Variants in MYO16 observed in about 807,000 individuals in gnomAD.
The protein encoded by MYO16 is unconventional myosin-XVI.
MYO16 carries 94 observed loss-of-function variants against 205.3 expected under a neutral mutation model. The ratio of observed to expected loss-of-function variants is 0.46; its 90% confidence interval spans 0.39 to 0.54. MYO16 has a LOEUF of 0.54. MYO16 is among the 20% of genes least tolerant of loss of function. The pLI is 0.00. For synonymous variants in MYO16, 988 were observed against 954.0 expected (o/e 1.04, Z -0.66); for missense variants, 2,315 against 2,387.5 (o/e 0.97, Z 0.63).
intron 5 of MYO16, among the ~76,000 whole-genome samples, chr13:108,786,518 A>G (rs960581457): frequency 6.6e-6 from 1 of 152,352 alleles, no homozygotes; most frequent in African/African-American, 2.4e-5. Context: ...ACAGTTTTTA[A>G]GAGCCACACG....
At chr13:108,842,441 A>G (rs756803949) in intron 9 of MYO16, among the ~76,000 whole-genome samples, 4 of 152,162 alleles carry the variant, frequency 2.6e-5, no homozygotes, top group South Asian at 2.1e-4. Context: ...AGTTTTTAAT[A>G]TGAGCAAAGA....
chr13:108,730,637 G>T (rs1444900349), intron 4 of MYO16, among the ~76,000 whole-genome samples: 6 of 152,062 alleles, frequency 3.9e-5, no homozygotes, highest in African/African-American at 1.4e-4. Context: ...GTGTAACTGA[G>T]GTAATAGACA....
rs377270594 is a variant in MYO16, at chr13:109,111,833, C to G, written c.3439-8537C>G. Among the ~76,000 whole-genome samples, 129 of 151,692 alleles carry G rather than the reference C, an allele frequency of 8.5e-4. No homozygotes were observed. In the East Asian group the frequency reaches 0.02, roughly 24 times the overall value. On this transcript the variant is annotated intron_variant, in intron 28 of 34. Transcript: ENST00000457511. Reference sequence around the variant, plus strand: ...TCCCAAGTAGCTGGGACTACAGGCACGTGCCACCACGCCCGGCTAATTTTT... The same window carrying G: ...TCCCAAGTAGCTGGGACTACAGGCAGGTGCCACCACGCCCGGCTAATTTTT...
intron 20 of MYO16, among the ~76,000 whole-genome samples, chr13:108,985,116 A>T (rs1457275308): frequency 6.6e-6 from 1 of 152,214 alleles, no homozygotes; most frequent in Admixed American, 6.5e-5. Flanking sequence ...TTTTAAAAGA[A>T]TGTAGATATA....
chr13:108,551,425 A>T, the MYO16 span, among the ~76,000 whole-genome samples: 4 of 152,192 alleles, frequency 2.6e-5, no homozygotes, highest in South Asian at 8.3e-4. Flanking sequence ...TTTATTTCTC[A>T]CATTACCTTG....
chr13:109,054,386 A>C (rs1163868583), intron 25 of MYO16: 1 of 312,950 alleles, frequency 3.2e-6, no homozygotes, highest in African/African-American at 2.3e-5. Flanking sequence ...GTAAGAAAGC[A>C]TCAGACCATT....
chr13:109,004,519 A>C (rs1885324557), intron 21 of MYO16, among the ~76,000 whole-genome samples: 2 of 152,144 alleles, frequency 1.3e-5, no homozygotes, highest in Admixed American at 6.5e-5. Flanking sequence ...TTTATTTTTT[A>C]TTTATGATTG....
intron 15 of MYO16, among the ~76,000 whole-genome samples, chr13:108,903,240 G>A (rs1395185631): frequency 6.6e-6 from 1 of 152,194 alleles, no homozygotes; most frequent in Non-Finnish European, 1.5e-5. Flanking sequence ...CCCTGGAATT[G>A]CGAACAGCAT....
intron 32 of MYO16, among the ~76,000 whole-genome samples, chr13:109,148,352 T>C (rs1877457380): frequency 6.6e-6 from 1 of 152,188 alleles, no homozygotes; most frequent in African/African-American, 2.4e-5. Flanking sequence ...TACAGGGAAA[T>C]TGTGCAAGCA....
chr13:109,056,924 A>G (rs1278957097), intron 27 of MYO16, among the ~76,000 whole-genome samples: 1 of 152,164 alleles, frequency 6.6e-6, no homozygotes, highest in African/African-American at 2.4e-5. Context: ...TTTAAAAATT[A>G]ACTATACAAC....
chr13:109,112,017 C>T (rs1191513560), intron 28 of MYO16, among the ~76,000 whole-genome samples: 1 of 152,122 alleles, frequency 6.6e-6, no homozygotes, highest in Non-Finnish European at 1.5e-5. Context: ...GGGATAGCAT[C>T]TAACCCAATC....
chr13:108,991,992 A>G (rs1354992423), intron 20 of MYO16, among the ~76,000 whole-genome samples: 10 of 152,188 alleles, frequency 6.6e-5, no homozygotes, highest in Non-Finnish European at 1.3e-4. Context: ...AACTTGCATC[A>G]TGGGAGTTTG....
chr13:108,931,572 G>C (rs1187231009), intron 16 of MYO16, among the ~76,000 whole-genome samples: 8 of 152,114 alleles, frequency 5.3e-5, no homozygotes. Flanking sequence ...GAATTCATCA[G>C]GGGTGTATAT....
At position 108,937,258 on chromosome 13, in the gene MYO16, T is replaced by TTC. The variant is rs150467520; in HGVS notation, c.1926-20410_1926-20409dup. Among the ~76,000 whole-genome samples, 327 of 149,512 alleles carry TTC rather than the reference T, an allele frequency of 2.2e-3. 2 individuals are homozygous for TTC. Among genetic ancestry groups the TTC allele is most frequent in the African/African-American group, 5.8e-3 (240 of 41,052 alleles). Reference sequence around the variant, plus strand: ...TTCCCCCTTTGTATATGATCTGCTTTTCTCTCTCTCTCTCTCTCTCTAGCT... The same window carrying TTC: ...TTCCCCCTTTGTATATGATCTGCTTTTCTCTCTCTCTCTCTCTCTCTCTAGCT... On this transcript the variant is annotated intron_variant, in intron 16 of 34. Transcript: ENST00000457511.
intron 9 of MYO16, among the ~76,000 whole-genome samples, chr13:108,832,401 C>A (rs1202209263): frequency 6.6e-6 from 1 of 151,816 alleles, no homozygotes; most frequent in Non-Finnish European, 1.5e-5. Context: ...CTCAGCCTCC[C>A]AAAGTGCTAG....
intron 20 of MYO16, among the ~76,000 whole-genome samples, chr13:108,974,138 A>G (rs897106139): frequency 2.6e-5 from 4 of 152,204 alleles, no homozygotes; most frequent in African/African-American, 9.6e-5. Context: ...TCTACTAAGA[A>G]TTCAGTTTGT....
intron 34 of MYO16, among the ~76,000 whole-genome samples, chr13:109,180,514 A>G (rs892160518): frequency 1.3e-5 from 2 of 152,354 alleles, no homozygotes; most frequent in African/African-American, 2.4e-5. Flanking sequence ...CATCTACATA[A>G]AAGTCTAAAA....
chr13:109,085,009 A>G (rs886299641), intron 27 of MYO16, among the ~76,000 whole-genome samples: 10 of 152,292 alleles, frequency 6.6e-5, no homozygotes, highest in Admixed American at 1.3e-4. Flanking sequence ...ACCACTTAAA[A>G]TGAGCCCGAA....
intron 2 of MYO16, among the ~76,000 whole-genome samples, chr13:108,680,678 G>T (rs577259837): frequency 6.6e-6 from 1 of 152,248 alleles, no homozygotes; most frequent in Admixed American, 6.5e-5. Flanking sequence ...TTACTACTAT[G>T]CCATAGGACA....
Sources: gnomAD v4.1 joint callset for allele counts (sites outside exome capture counted in the v4.1 genomes callset) on GRCh38, gnomAD v4.1.1 for gene constraint, MANE v1.5 for transcripts, NCBI Gene and HGNC (gene_info 2026-07-23, HGNC 2026-07-21) for gene names.